Variants in ANKRD24 observed in about 807,000 individuals in gnomAD.
ANKRD24 encodes ankyrin repeat domain-containing protein 24.
A neutral mutation model predicts 127.8 loss-of-function variants in ANKRD24; 109 were observed. That is an observed-to-expected ratio of 0.85 (90% CI 0.73 to 1.00). The LOEUF is 1.00. Ranked by LOEUF, ANKRD24 falls within the 50% of genes least tolerant of loss-of-function variation. ANKRD24 has a pLI of 0.00. For synonymous variants in ANKRD24, 743 were observed against 671.1 expected (o/e 1.11, Z -1.66); for missense variants, 1,648 against 1,570.2 (o/e 1.05, Z -0.84).
intron 1 of ANKRD24, among the ~76,000 whole-genome samples, chr19:4,184,298 G>C (rs539031023): frequency 1.3e-5 from 2 of 152,314 alleles, no homozygotes; most frequent in Admixed American, 6.5e-5. Flanking sequence ...GGGCACTGGA[G>C]CTGCAGGAGG....
intron 20 of ANKRD24, 43 bp downstream of exon 20, chr19:4,222,838 G>A (rs1227913430): frequency 6.5e-7 from 1 of 1,547,650 alleles, no homozygotes; most frequent in Non-Finnish European, 8.8e-7. Context: ...CATCAGGGTG[G>A]AGGAGTCCAA....
chr19:4,204,645 G>A (rs1295039588), intron 7 of ANKRD24, among the ~76,000 whole-genome samples: 5 of 152,160 alleles, frequency 3.3e-5, no homozygotes, highest in Admixed American at 6.5e-5. Flanking sequence ...CGACCTGTCC[G>A]CTGTCCCCGT....
intron 10 of ANKRD24, 128 bp from the exon 11 acceptor site, chr19:4,208,636 C>T (rs965160411): frequency 2.1e-5 from 18 of 862,272 alleles, no homozygotes; most frequent in Non-Finnish European, 3.3e-5. Flanking sequence ...TACCCAAGCG[C>T]CAGATTTCTA....
chr19:4,185,759 G>A (rs758466961), intron 1 of ANKRD24, among the ~76,000 whole-genome samples: 9 of 152,356 alleles, frequency 5.9e-5, no homozygotes, highest in Non-Finnish European at 7.4e-5. Context: ...AGAGCCGTCA[G>A]CCCTGGCTTC....
chr19:4,187,712 C>T (rs1968148350), intron 2 of ANKRD24, among the ~76,000 whole-genome samples: 1 of 152,206 alleles, frequency 6.6e-6, no homozygotes, highest in South Asian at 2.1e-4. Context: ...CTCTTTGTGC[C>T]TGGCCTGGGT....
chr19:4,224,335 C>T, intron 21 of ANKRD24, 93 bp from the exon 22 acceptor site: 1 of 1,474,364 alleles, frequency 6.8e-7, no homozygotes, highest in Non-Finnish European at 9.3e-7. Flanking sequence ...GTGCATTTCC[C>T]TCCTGGCTGG....
chr19:4,217,385 A>G lies in ANKRD24; in HGVS notation c.2225A>G (p.Glu742Gly), dbSNP rs775060802. Reference protein sequence around the residue: ...LEEALRQREREAAAELEAALG... With the variant: ...LEEALRQRERGAAAELEAALG... Reference sequence around the variant, plus strand: ...GAGGCTCTCCGGCAGCGGGAGCGGGAGGCAGCTGCGGAGCTGGAGGCGGCC... The same window carrying G: ...GAGGCTCTCCGGCAGCGGGAGCGGGGGGCAGCTGCGGAGCTGGAGGCGGCC... Residue 742 changes from glutamate to glycine, a missense_variant, in exon 18 of 22, where the codon GAG becomes GGG. Transcript: ENST00000318934. 6.4e-7 allele frequency: 1 copy of G among 1,550,462 alleles called. No individual in the cohort carries two copies. The highest frequency in any genetic ancestry group is 1.2e-5 in the South Asian group (1 of 84,030).
At chr19:4,200,683 A>C (rs1480220161) in intron 5 of ANKRD24, among the ~76,000 whole-genome samples, 1 of 152,004 alleles carries the variant, frequency 6.6e-6, no homozygotes, top group Non-Finnish European at 1.5e-5. Context: ...CACCATGCCC[A>C]GTTAATTTTT....
chr19:4,219,799 A>G lies in ANKRD24; in HGVS notation c.3171+41A>G, dbSNP rs188477315. On this transcript the variant is annotated intron_variant, in intron 19 of 21. Coordinates refer to ENST00000318934, the MANE Select transcript of ANKRD24 (RefSeq NM_001393985.1). Reference sequence around the variant, plus strand: ...CCCACACTCAGTCAGGGAGGCATCCACTCAGCAAAGGTTGGGGCCAATCTA... The same window carrying G: ...CCCACACTCAGTCAGGGAGGCATCCGCTCAGCAAAGGTTGGGGCCAATCTA... 3.4e-4 allele frequency: 518 copies of G among 1,545,296 alleles called. 4 individuals carry two copies. In the African/African-American group the frequency reaches 6.6e-3, roughly 20 times the overall value.
chr19:4,223,668 G>A (rs1028724465), intron 20 of ANKRD24, among the ~76,000 whole-genome samples: 1 of 151,842 alleles, frequency 6.6e-6, no homozygotes, highest in Non-Finnish European at 1.5e-5. Flanking sequence ...GGGTTCAAGC[G>A]ATTCTCCTGC....
At chr19:4,187,759 A>G (rs77077680) in intron 2 of ANKRD24, among the ~76,000 whole-genome samples, 1 of 152,224 alleles carries the variant, frequency 6.6e-6, no homozygotes, top group Non-Finnish European at 1.5e-5. Context: ...TTTTCGTATC[A>G]TGGGATACAA....
At chr19:4,186,634 C>T (rs1968081461) in intron 2 of ANKRD24, among the ~76,000 whole-genome samples, 173 bp downstream of exon 2, 1 of 152,108 alleles carries the variant, frequency 6.6e-6, no homozygotes, top group Admixed American at 6.6e-5. Flanking sequence ...CTTTCCAGCC[C>T]AGGCCTTTAC....
At chr19:4,208,883 AGAAG>A (rs1198982914) in intron 11 of ANKRD24, 82 bp downstream of exon 11, 4 of 1,468,954 alleles carry the variant, frequency 2.7e-6, no homozygotes, top group African/African-American at 1.4e-5. Context: ...CTGTGAGAAG[AGAAG>A]GAAGTTAGAC....
Position 4,216,676 on chromosome 19 carries a change from G to A in ANKRD24, c.1516G>A (p.Ala506Thr). 1 of 1,590,626 alleles carries A rather than the reference G, an allele frequency of 6.3e-7. No homozygotes were observed. The highest frequency in any genetic ancestry group is 1.3e-5 in the African/African-American group (1 of 74,534). Residue 506 changes from alanine (A) to threonine (T), a missense_variant, in exon 18 of 22, where the codon GCC becomes ACC. By Grantham distance (58) the Ala-to-Thr change is moderately conservative (BLOSUM62 0). Transcript: ENST00000318934. ...FDQLRRQHAE[A>T]LQALRQQETR... ...CCAGCTACGCAGGCAGCACGCTGAG[G>A]CCCTGCAGGCCCTGAGGCAGCAGGA...
At chr19:4,205,702 G>C (rs951083756) in intron 7 of ANKRD24, among the ~76,000 whole-genome samples, 4 of 152,150 alleles carry the variant, frequency 2.6e-5, no homozygotes, top group Non-Finnish European at 5.9e-5. Flanking sequence ...ATAAAAATTA[G>C]CCAGGCGTGA....
At chr19:4,188,791 G>A (rs1468418843) in intron 2 of ANKRD24, among the ~76,000 whole-genome samples, 1 of 151,910 alleles carries the variant, frequency 6.6e-6, no homozygotes, top group Non-Finnish European at 1.5e-5. Flanking sequence ...CAGTTGTTTG[G>A]GCTCATTTGA....
chr19:4,186,533 A>C (rs1463833935), intron 2 of ANKRD24, 72 bp downstream of exon 2: 6 of 1,515,540 alleles, frequency 4.0e-6, no homozygotes, highest in Non-Finnish European at 4.5e-6. Flanking sequence ...GCTTGGCTGA[A>C]GATCCACCCT....
At chr19:4,201,547 G>T (rs557855933) in intron 5 of ANKRD24, among the ~76,000 whole-genome samples, 1 of 152,168 alleles carries the variant, frequency 6.6e-6, no homozygotes, top group African/African-American at 2.4e-5. Context: ...GACTAGCCAT[G>T]GCTTAGAGAG....
chr19:4,223,401 A>ATATTTTTTTTTTTTT (rs1192232980), intron 20 of ANKRD24, among the ~76,000 whole-genome samples: 1 of 53,344 alleles, frequency 1.9e-5, no homozygotes, highest in African/African-American at 9.5e-5. Flanking sequence ...ATATATATAT[A>ATATTTTTTTTTTTTT]TTTTTTTTTT....
Sources: allele counts gnomAD v4.1 joint callset (sites outside exome capture counted in the v4.1 genomes callset), GRCh38; gene constraint gnomAD v4.1.1; transcripts MANE v1.5; gene names NCBI Gene and HGNC (gene_info 2026-07-23, HGNC 2026-07-21).